The following KYAT1 variants were observed in gnomAD, a reference collection of about 807,000 sequenced individuals.
KYAT1 encodes kynurenine--oxoglutarate transaminase 1.
In KYAT1, 47 loss-of-function variants were observed where a neutral mutation model predicts 52.4. That is an observed-to-expected ratio of 0.90 (90% confidence interval 0.71 to 1.14). The LOEUF (loss-of-function observed/expected upper bound fraction) is 1.14. Ranked by LOEUF, KYAT1 falls within the 50% of genes most tolerant of loss-of-function variation. The pLI, the probability that KYAT1 is intolerant of heterozygous loss-of-function variation, is 0.00. For missense variants in KYAT1, 480 were observed against 557.9 expected, an observed-to-expected ratio of 0.86 and a Z score of 1.41; for synonymous variants, 212 against 209.6, an observed-to-expected ratio of 1.01 and a Z score of -0.10.
intron 1 of KYAT1, among the ~76,000 whole-genome samples, chr9:128,862,742 C>A (rs1330415597): frequency 1.3e-5 from 2 of 152,198 alleles, no homozygotes; most frequent in Non-Finnish European, 2.9e-5. Flanking sequence ...AAACCAGGAT[C>A]GGCTTCCATT....
In KYAT1 at chr9:128,874,723, T is replaced by C. The variant is rs61010924; in HGVS notation, c.-7+7174A>G. Among the ~76,000 whole-genome samples, 887 of 118,118 alleles carry C rather than the reference T, an allele frequency of 7.5e-3. 12 individuals carry two copies. The highest frequency in any genetic ancestry group is 0.027 in the African/African-American group (807 of 29,910). The allele number at this position is 118,118 out of a possible 152,430, so 77.5% of individuals were successfully genotyped here. A position where few individuals can be genotyped will look rare whatever the true frequency, so the allele number is the denominator to read the frequency against. Reference sequence around the variant, plus strand: ...CATTTTGTGGTGAGATAATCCTGCCTTTTTTTTTTTTTTTTTTTTGAGACG... The same window carrying C: ...CATTTTGTGGTGAGATAATCCTGCCCTTTTTTTTTTTTTTTTTTTGAGACG... On this transcript the variant is annotated intron_variant, in intron 1 of 12. Transcript: ENST00000302586.
chr9:128,879,201 T>C (rs1014822124), intron 1 of KYAT1, among the ~76,000 whole-genome samples: 6 of 152,046 alleles, frequency 3.9e-5, no homozygotes, highest in Non-Finnish European at 8.8e-5. Context: ...TCCCAGCTAC[T>C]TGGGAGGCTG....
chr9:128,835,459 C>A (rs1466081735), intron 10 of KYAT1, 22 bp downstream of exon 10: 1 of 1,613,702 alleles, frequency 6.2e-7, no homozygotes, highest in East Asian at 2.2e-5. Flanking sequence ...GCGCCCTGCC[C>A]AGACCGGCAA....
upstream of KYAT1, chr9:128,882,173 CA>C (rs1839048498): frequency 6.5e-6 from 1 of 152,886 alleles, no homozygotes; most frequent in Non-Finnish European, 1.5e-5. Flanking sequence ...GGCGCCGGAG[CA>C]GCGCTGCGGC....
chr9:128,871,848 C>T (rs1248979826), intron 1 of KYAT1, among the ~76,000 whole-genome samples: 1 of 152,182 alleles, frequency 6.6e-6, no homozygotes, highest in Non-Finnish European at 1.5e-5. Flanking sequence ...ACCATGTTGG[C>T]TGGGCGTGGT....
At chr9:128,850,498 C>A (rs1451042523) in intron 1 of KYAT1, among the ~76,000 whole-genome samples, 2 of 152,130 alleles carry the variant, frequency 1.3e-5, no homozygotes, top group Admixed American at 1.3e-4. Flanking sequence ...TAAAAGTCAT[C>A]GCCATTCTCT....
rs372949274 is a variant in KYAT1 at position 128,833,606 on chromosome 9, C to T, written c.1247G>A (p.Arg416Gln). The T allele has an allele frequency of 9.9e-6, 16 of 1,614,214 alleles. No individual in the cohort carries two copies. Among genetic ancestry groups the T allele is most frequent in the South Asian group, 5.5e-5 (5 of 91,082 alleles). The change falls in exon 13 of 13, where the codon CGG becomes CAG. Residue 416 changes from arginine to glutamine, a missense_variant. Physicochemically the swap from Arg to Gln is conservative, Grantham distance 43. Transcript: ENST00000302586. ...GGGCTAGAGTTCCACCTTCCACTTC[C>T]GCAGCTTCTCGTCCATGGCCTGGAG... ...ATLQAMDEKL[R>Q]KWKVEL
Position 128,841,645 on chromosome 9 carries a change from G to A in KYAT1, c.201+1009C>T, listed in dbSNP as rs1589648605. Among the ~76,000 whole-genome samples the A allele has an allele frequency of 2.1e-5, 3 of 145,932 alleles. No individual in the cohort carries two copies. The East Asian group carries it at 6.2e-4, about 30-fold the overall frequency. On this transcript the variant is annotated intron_variant, in intron 3 of 12. Coordinates refer to ENST00000302586, the MANE Select transcript of KYAT1 (RefSeq NM_004059.5). ...TGGGAGGGGGAGGTTGCAGTGAGCC[G>A]AGATTGCGCCCCTGCACTCCAGCCT...
chr9:128,870,519 C>T (rs544290895), intron 1 of KYAT1, among the ~76,000 whole-genome samples: 3 of 152,082 alleles, frequency 2.0e-5, no homozygotes, highest in South Asian at 2.1e-4. Flanking sequence ...TGCCTGTAGT[C>T]CCAGATAATA....
chr9:128,875,491 T>C (rs1413366541), intron 1 of KYAT1, among the ~76,000 whole-genome samples: 1 of 151,942 alleles, frequency 6.6e-6, no homozygotes, highest in Non-Finnish European at 1.5e-5. Context: ...TGGGCACCTG[T>C]AGTCCCAGCT....
intron 1 of KYAT1, among the ~76,000 whole-genome samples, chr9:128,860,869 CATTT>C (rs367998492): frequency 2.0e-5 from 3 of 151,986 alleles, no homozygotes; most frequent in Admixed American, 1.3e-4. Flanking sequence ...GGCCCACACG[CATTT>C]ATTAAGTTTA....
At chr9:128,839,541 C>T (rs1218532484) in intron 3 of KYAT1, among the ~76,000 whole-genome samples, 1 of 152,032 alleles carries the variant, frequency 6.6e-6, no homozygotes, top group Non-Finnish European at 1.5e-5. Flanking sequence ...AGAAGAATGG[C>T]GTGAACCCGG....
At position 128,837,832 on chromosome 9, in the gene KYAT1, T is replaced by C. The variant is rs2280841; in HGVS notation, c.439-19A>G. The C allele has an allele frequency of 0.72, 1,167,194 of 1,612,462 alleles. 429,631 individuals are homozygous for C. Among genetic ancestry groups the C allele is most frequent in the Admixed American group, 0.79 (47,134 of 59,968 alleles). Reference sequence around the variant, plus strand: ...TGGGACCCTGCAAGAGCAGGTGGCATGGGGTGGTACCACTTAACCACCTGA... The same window carrying C: ...TGGGACCCTGCAAGAGCAGGTGGCACGGGGTGGTACCACTTAACCACCTGA... On this transcript the variant is annotated intron_variant, in intron 5 of 12. Coordinates refer to ENST00000302586, the MANE Select transcript of KYAT1 (RefSeq NM_004059.5).
intron 1 of KYAT1, among the ~76,000 whole-genome samples, chr9:128,877,931 G>C (rs939303521): frequency 3.9e-5 from 6 of 152,164 alleles, no homozygotes; most frequent in Non-Finnish European, 8.8e-5. Flanking sequence ...CCAGTCTAGT[G>C]CATGAATAAC....
At position 128,835,748 on chromosome 9, in the gene KYAT1, C is replaced by G. The variant is rs368898642; in HGVS notation, c.855+31G>C. 12 of 1,605,574 alleles carry G rather than the reference C, an allele frequency of 7.5e-6. No homozygotes were observed. The African/African-American group carries it at 1.6e-4, about 21-fold the overall frequency. On this transcript the variant is annotated intron_variant, in intron 9 of 12. Coordinates refer to ENST00000302586, the MANE Select transcript of KYAT1 (RefSeq NM_004059.5). ...AGCCTGGGCTCTTTTGTTGTCCCCC[C>G]ACTCCCCCGTGACGTCCTGCCCCTC... is the stretch of plus-strand genomic sequence containing the variant.
In KYAT1 at chr9:128,833,602, C is replaced by T; in HGVS notation, c.1251G>A (p.Lys417=). The T allele has an allele frequency of 6.2e-7, 1 of 1,614,218 alleles. No homozygotes were observed. The highest frequency in any genetic ancestry group is 1.3e-5 in the African/African-American group (1 of 75,056). The change falls in exon 13 of 13, where the codon AAG becomes AAA. Residue 417 remains lysine (K), a synonymous_variant. Coordinates refer to ENST00000302586, the MANE Select transcript of KYAT1 (RefSeq NM_004059.5). Reference sequence around the variant, plus strand: ...TTCAGGGCTAGAGTTCCACCTTCCACTTCCGCAGCTTCTCGTCCATGGCCT... The same window carrying T: ...TTCAGGGCTAGAGTTCCACCTTCCATTTCCGCAGCTTCTCGTCCATGGCCT... The part of the protein sequence containing the change: ...TLQAMDEKLR[K]WKVEL
chr9:128,853,347 T>A (rs1834188825), intron 1 of KYAT1, among the ~76,000 whole-genome samples: 1 of 152,228 alleles, frequency 6.6e-6, no homozygotes, highest in African/African-American at 2.4e-5. Flanking sequence ...TACTGATTGT[T>A]CCAGCAATGG....
intron 1 of KYAT1, chr9:128,846,867 C>T: frequency 6.5e-7 from 1 of 1,531,968 alleles, no homozygotes; most frequent in Non-Finnish European, 8.7e-7. Context: ...CTGCTGTGGT[C>T]AATAGTGAAC....
chr9:128,839,228 T>A (rs1449571184), intron 3 of KYAT1, among the ~76,000 whole-genome samples: 1 of 152,104 alleles, frequency 6.6e-6, no homozygotes, highest in Non-Finnish European at 1.5e-5. Context: ...CCTCCCAAAG[T>A]GCTGGGATTA....
Sources: gnomAD v4.1 joint callset for allele counts (sites outside exome capture counted in the v4.1 genomes callset) on GRCh38, gnomAD v4.1.1 for gene constraint, MANE v1.5 for transcripts, NCBI Gene and HGNC (gene_info 2026-07-23, HGNC 2026-07-21) for gene names.